PCDH7: variants seen among roughly 807,000 people sequenced by gnomAD.
PCDH7 encodes the protein protocadherin-7.
A neutral mutation model predicts 58.9 loss-of-function variants in PCDH7; 17 were observed. The ratio of observed to expected loss-of-function variants is 0.29; its 90% CI spans 0.20 to 0.43. The LOEUF (loss-of-function observed/expected upper bound fraction) is 0.43, where lower values mean the gene tolerates loss of function less well. PCDH7 is among the 20% of genes least tolerant of loss of function. The pLI, the probability that PCDH7 is intolerant of heterozygous loss-of-function variation, is 1.00. For missense variants in PCDH7, 1,274 were observed against 1,441.0 expected (o/e 0.88, Z 1.88); for synonymous variants, 664 against 616.4 (o/e 1.08, Z -1.14).
At chr4:31,034,814 A>C (rs1265790417) in intron 3 of PCDH7, among the ~76,000 whole-genome samples, 1 of 151,192 alleles carries the variant, frequency 6.6e-6, no homozygotes, top group Admixed American at 6.6e-5. Context: ...GCATTTAAAA[A>C]AAATAATAGA....
intron 1 of PCDH7, among the ~76,000 whole-genome samples, chr4:30,868,565 C>CT (rs1179763755): frequency 4.6e-5 from 7 of 151,378 alleles, no homozygotes; most frequent in East Asian, 1.9e-4. Flanking sequence ...TAATTTTTTT[C>CT]TTTTTTTTCT....
chr4:31,027,932 T>C (rs193235328), intron 3 of PCDH7, among the ~76,000 whole-genome samples: 1 of 152,346 alleles, frequency 6.6e-6, no homozygotes, highest in East Asian at 1.9e-4. Flanking sequence ...AATTTAACTG[T>C]AGAAATGCTT....
intron 3 of PCDH7, among the ~76,000 whole-genome samples, chr4:31,028,891 C>T (rs374115938): frequency 1.8e-4 from 27 of 152,076 alleles, no homozygotes; most frequent in Admixed American, 4.6e-4. Flanking sequence ...GTCATAAAAG[C>T]GATTATCCCA....
chr4:30,872,913 A>T (rs1272809338), intron 1 of PCDH7, among the ~76,000 whole-genome samples: 3 of 152,090 alleles, frequency 2.0e-5, no homozygotes, highest in Non-Finnish European at 2.9e-5. Context: ...CAAGAATCAG[A>T]CCAGTTCCTG....
intron 3 of PCDH7, among the ~76,000 whole-genome samples, chr4:31,033,001 CTTCTT>C (rs1460040030): frequency 6.6e-6 from 1 of 151,840 alleles, no homozygotes; most frequent in Non-Finnish European, 1.5e-5. Context: ...CTTCTTGACT[CTTCTT>C]TATTTAAGTT....
chr4:30,917,443 A>G (rs1211606189), intron 1 of PCDH7, among the ~76,000 whole-genome samples: 1 of 152,140 alleles, frequency 6.6e-6, no homozygotes, highest in African/African-American at 2.4e-5. Flanking sequence ...AATATTTTAA[A>G]ATATGAATAA....
At chr4:30,762,644 C>T (rs1720177903) in intron 1 of PCDH7, among the ~76,000 whole-genome samples, 1 of 152,052 alleles carries the variant, frequency 6.6e-6, no homozygotes, top group South Asian at 2.1e-4. Flanking sequence ...TTTTCAAAGA[C>T]CAAAGAAAAT....
chr4:30,754,976 T>C (rs1242610143), intron 1 of PCDH7, among the ~76,000 whole-genome samples: 2 of 152,176 alleles, frequency 1.3e-5, no homozygotes, highest in Non-Finnish European at 2.9e-5. Flanking sequence ...TTCATCCTTA[T>C]GCTGCTGATG....
intron 3 of PCDH7, among the ~76,000 whole-genome samples, chr4:31,108,398 A>T (rs1209235281): frequency 1.9e-5 from 2 of 107,292 alleles, no homozygotes; most frequent in African/African-American, 7.6e-5. Flanking sequence ...AAAAAAAAAA[A>T]AAAAAAAAAA....
chr4:30,882,587 A>G (rs1316994425), intron 1 of PCDH7, among the ~76,000 whole-genome samples: 1 of 152,144 alleles, frequency 6.6e-6, no homozygotes, highest in Non-Finnish European at 1.5e-5. Flanking sequence ...AGGATGTTAA[A>G]TACAAGGTTA....
At chr4:30,736,452 C>G (rs1399862113), downstream of PCDH7, among the ~76,000 whole-genome samples, 1 of 151,410 alleles carries the variant, frequency 6.6e-6, no homozygotes, top group Non-Finnish European at 1.5e-5. Flanking sequence ...CTGTGTTAAC[C>G]AAGTGTAATA....
chr4:31,029,280 C>A (rs1225490930), intron 3 of PCDH7, among the ~76,000 whole-genome samples: 1 of 152,148 alleles, frequency 6.6e-6, no homozygotes, highest in African/African-American at 2.4e-5. Flanking sequence ...GCCTATTTCA[C>A]CTAATGTACT....
intron 1 of PCDH7, among the ~76,000 whole-genome samples, chr4:30,747,943 C>T (rs1241775863): frequency 1.3e-5 from 2 of 152,088 alleles, no homozygotes; most frequent in Non-Finnish European, 2.9e-5. Flanking sequence ...TGAATAGATA[C>T]TTTATTATTA....
At chr4:30,734,077 A>AAC (rs1553875199), downstream of PCDH7, among the ~76,000 whole-genome samples, 12 of 152,004 alleles carry the variant, frequency 7.9e-5, no homozygotes, top group Admixed American at 3.3e-4. Flanking sequence ...CTTAAAAAAA[A>AAC]ACACACAAAA....
At chr4:30,800,227 G>A (rs535222649) in intron 1 of PCDH7, among the ~76,000 whole-genome samples, 6 of 151,950 alleles carry the variant, frequency 3.9e-5, no homozygotes, top group Non-Finnish European at 5.9e-5. Flanking sequence ...GTGGGGTCAT[G>A]AGCTGACTTG....
intron 1 of PCDH7, among the ~76,000 whole-genome samples, chr4:30,902,080 A>G (rs943660142): frequency 1.1e-4 from 16 of 152,206 alleles, no homozygotes; most frequent in African/African-American, 3.9e-4. Context: ...CCATAGTACT[A>G]CTGTGACAAA....
intron 2 of PCDH7, among the ~76,000 whole-genome samples, chr4:30,925,274 G>T (rs973553350): frequency 1.3e-5 from 2 of 152,142 alleles, no homozygotes; most frequent in African/African-American, 4.8e-5. Flanking sequence ...AGTGTAATGA[G>T]CATAGAGACC....
In PCDH7 at chr4:31,096,146, G is replaced by A. The variant is rs115830507; in HGVS notation, c.*8-46327G>A. The stretch of plus-strand genomic sequence containing the variant: ...CATATGTGCAAAAGATGCCCCCTAG[G>A]CCCCAAGTTATTGCCAATGATTTGC... On this transcript the variant is annotated intron_variant, in intron 3 of 3. Transcript: ENST00000509759. Among the ~76,000 whole-genome samples the A allele has an allele frequency of 8.3e-3, 1,258 of 152,196 alleles. 17 individuals are homozygous for A. Among genetic ancestry groups the A allele is most frequent in the African/African-American group, 0.029 (1,215 of 41,516 alleles).
downstream of PCDH7, among the ~76,000 whole-genome samples, chr4:30,736,831 C>A (rs1475032403): frequency 1.3e-5 from 2 of 152,114 alleles, no homozygotes; most frequent in African/African-American, 2.4e-5. Context: ...CCACCGCGCC[C>A]GGCCACAAAT....
Sources: allele counts gnomAD v4.1 joint callset (sites outside exome capture counted in the v4.1 genomes callset), GRCh38; gene constraint gnomAD v4.1.1; transcripts MANE v1.5; gene names NCBI Gene and HGNC (gene_info 2026-07-23, HGNC 2026-07-21).